PRSS12: variants seen among roughly 807,000 people sequenced by gnomAD.
The protein encoded by PRSS12 is serine protease 12.
PRSS12 carries 85 observed loss-of-function variants against 104.4 expected under a neutral mutation model. The observed-to-expected ratio is 0.81, with a 90% confidence interval of 0.68 to 0.98. PRSS12 has a LOEUF of 0.98. PRSS12 is among the 50% of genes least tolerant of loss of function. The pLI is 0.00. For missense variants in PRSS12, 1,141 were observed against 1,139.2 expected, an observed-to-expected ratio of 1.00 and a Z score of -0.02; for synonymous variants, 454 against 425.2, an observed-to-expected ratio of 1.07 and a Z score of -0.83.
intron 11 of PRSS12, among the ~76,000 whole-genome samples, chr4:118,287,157 T>G (rs554767622): frequency 3.3e-4 from 51 of 152,278 alleles, no homozygotes; most frequent in African/African-American, 1.2e-3. Context: ...CTTTTTTTTC[T>G]TTTTTGAGAC....
intron 4 of PRSS12, 69 bp from the exon 5 acceptor site, chr4:118,318,625 T>G (rs1387599319): frequency 1.4e-6 from 2 of 1,474,266 alleles, no homozygotes; most frequent in Non-Finnish European, 9.3e-7. Flanking sequence ...TTTTTTTTTG[T>G]CCCTAGTAAA....
Position 118,352,793 on chromosome 4 carries a change from G to A in PRSS12, c.-73C>T. The A allele has an allele frequency of 6.3e-7, 1 of 1,583,396 alleles. No individual in the cohort carries two copies. The highest frequency in any genetic ancestry group is 1.1e-5 in the South Asian group (1 of 87,528). On this transcript the variant is annotated 5_prime_UTR_variant, in exon 1 of 13. Transcript: ENST00000296498. ...TTGGAGCGGAGAAGAGGAGGGGGCG[G>A]GGGCGGGGCTGCCGCGTCCCTCGAA...
intron 11 of PRSS12, among the ~76,000 whole-genome samples, chr4:118,284,250 C>T (rs1394800595): frequency 2.6e-5 from 4 of 152,108 alleles, no homozygotes; most frequent in Admixed American, 2.0e-4. Flanking sequence ...TCCCCAGTTG[C>T]GATTACCAAA....
intron 7 of PRSS12, 155 bp downstream of exon 7, chr4:118,313,046 T>TTTTC: frequency 1.2e-6 from 1 of 835,548 alleles, no homozygotes; most frequent in Non-Finnish European, 1.9e-6. Context: ...AAAAGATTAT[T>TTTTC]TTTCTCTGCA....
At position 118,335,673 on chromosome 4, in the gene PRSS12, T is replaced by C. The variant is rs372566096; in HGVS notation, c.642-22A>G. On this transcript the variant is annotated intron_variant, in intron 2 of 12. Transcript: ENST00000296498. ...TCCTCTGGAAGTACAATGAGCGATATTAGGTTTATCAAATGTAGGCAAAAC... is the reference window on the plus strand; with the variant it reads ...TCCTCTGGAAGTACAATGAGCGATACTAGGTTTATCAAATGTAGGCAAAAC... 8.7e-6 allele frequency: 14 copies of C among 1,612,000 alleles called. No homozygotes were observed. In the East Asian group the frequency reaches 1.3e-4, roughly 15 times the overall value.
chr4:118,305,232 C>T (rs1434854425), intron 8 of PRSS12, among the ~76,000 whole-genome samples: 1 of 151,404 alleles, frequency 6.6e-6, no homozygotes, highest in Non-Finnish European at 1.5e-5. Flanking sequence ...TATATTTAAT[C>T]AAATAGCTAA....
chr4:118,313,293 G>C lies in PRSS12; in HGVS notation c.1397C>G (p.Ser466Cys), dbSNP rs370293860. The C allele has an allele frequency of 1.5e-5, 25 of 1,613,946 alleles. No individual in the cohort carries two copies. In the South Asian group the frequency reaches 2.7e-4, roughly 18 times the overall value. The stretch of plus-strand genomic sequence containing the variant: ...GTCATGCCTTCCCCACTGTCGCCTG[G>C]AACACTGAAGAAATCTGGTTTCCTT... ...SGKETRFLQCSRRQWGRHDCS... is the reference protein window; with the variant it reads ...SGKETRFLQCCRRQWGRHDCS... Residue 466 changes from serine to cysteine, a missense_variant, in exon 7 of 13, where the codon TCC becomes TGC. Ser to Cys is a moderately radical substitution (Grantham distance 112, BLOSUM62 -1). Transcript: ENST00000296498.
chr4:118,323,478 A>T (rs1723685609), intron 4 of PRSS12, among the ~76,000 whole-genome samples: 1 of 151,546 alleles, frequency 6.6e-6, no homozygotes, highest in Non-Finnish European at 1.5e-5. Context: ...AAAGAAAGAA[A>T]GGCGGGAGGG....
chr4:118,332,362 A>G (rs944328877), intron 3 of PRSS12, among the ~76,000 whole-genome samples: 12 of 152,338 alleles, frequency 7.9e-5, no homozygotes, highest in Non-Finnish European at 1.6e-4. Flanking sequence ...AAGTTGCTGG[A>G]CATCATGGCC....
At chr4:118,338,098 T>C in intron 2 of PRSS12, 78 bp downstream of exon 2, 2 of 1,568,196 alleles carry the variant, frequency 1.3e-6, no homozygotes, top group Non-Finnish European at 1.8e-6. Context: ...AGATACAAGC[T>C]TTACAAAGCA....
intron 7 of PRSS12, among the ~76,000 whole-genome samples, chr4:118,310,280 T>G (rs1310949004): frequency 1.3e-5 from 2 of 152,142 alleles, no homozygotes; most frequent in East Asian, 3.8e-4. Context: ...AGAAAACATT[T>G]GCACATGAAA....
intron 6 of PRSS12, among the ~76,000 whole-genome samples, chr4:118,315,177 G>T (rs991110566): frequency 3.9e-5 from 6 of 151,946 alleles, no homozygotes; most frequent in Non-Finnish European, 8.8e-5. Flanking sequence ...AAAATTCTGT[G>T]GATATTGTTT....
At chr4:118,313,537 G>T in intron 6 of PRSS12, 140 bp from the exon 7 acceptor site, 1 of 875,300 alleles carries the variant, frequency 1.1e-6, no homozygotes. Context: ...CCTTGGGGAC[G>T]CAGTTTAGAG....
At chr4:118,348,420 T>C (rs1023740345) in intron 1 of PRSS12, among the ~76,000 whole-genome samples, 1 of 152,184 alleles carries the variant, frequency 6.6e-6, no homozygotes, top group Non-Finnish European at 1.5e-5. Context: ...TTAGGTGGGT[T>C]CTAATGCCCT....
At chr4:118,285,314 A>G (rs1742989321) in intron 11 of PRSS12, among the ~76,000 whole-genome samples, 1 of 152,240 alleles carries the variant, frequency 6.6e-6, no homozygotes, top group Non-Finnish European at 1.5e-5. Context: ...ACTAAAAAGT[A>G]ATAGGCATGG....
At chr4:118,320,623 C>T (rs1723588033) in intron 4 of PRSS12, among the ~76,000 whole-genome samples, 1 of 151,992 alleles carries the variant, frequency 6.6e-6, no homozygotes. Context: ...TGTGGTGGCA[C>T]ACACCTGTGG....
chr4:118,298,952 A>G lies in PRSS12; in HGVS notation c.1632-14T>C. The stretch of plus-strand genomic sequence containing the variant: ...CTGGCAGGACCCCTGAAGACAGAAC[A>G]TTCTTAATCATGTGAAGAATCAGTC... On this transcript the variant is annotated splice_polypyrimidine_tract_variant and intron_variant, in intron 8 of 12. Coordinates refer to ENST00000296498, the MANE Select transcript of PRSS12 (RefSeq NM_003619.4). The G allele has an allele frequency of 6.2e-7, 1 of 1,613,188 alleles. No homozygotes were observed. Among genetic ancestry groups the G allele is most frequent in the East Asian group, 2.2e-5 (1 of 44,874 alleles).
Position 118,338,224 on chromosome 4 carries a change from T to C in PRSS12, c.593A>G (p.His198Arg). The change falls in exon 2 of 13, where the codon CAC becomes CGC. Residue 198 changes from histidine to arginine, a missense_variant. By Grantham distance (29) the His-to-Arg change is conservative. Coordinates refer to ENST00000296498, the MANE Select transcript of PRSS12 (RefSeq NM_003619.4). ...SGVWGTVCSS[H>R]WDDSDASVIC... The stretch of plus-strand genomic sequence containing the variant: ...GACTGATGCATCAGAATCATCCCAG[T>C]GGCTGCTACAGACAGTGCCCCAAAC... The C allele has an allele frequency of 3.7e-6, 6 of 1,614,050 alleles. No homozygotes were observed. The highest frequency in any genetic ancestry group is 5.1e-6 in the Non-Finnish European group (6 of 1,179,956).
In PRSS12 at chr4:118,323,481, C is replaced by T. The variant is rs567498479; in HGVS notation, c.972-4925G>A. On this transcript the variant is annotated intron_variant, in intron 4 of 12. Coordinates refer to ENST00000296498, the MANE Select transcript of PRSS12 (RefSeq NM_003619.4). The stretch of plus-strand genomic sequence containing the variant: ...GGAAAAAAAAGAAAAGAAAGAAAGG[C>T]GGGAGGGAGAAAGAAGCAAAAGGAA... Among the ~76,000 whole-genome samples the T allele has an allele frequency of 1.6e-3, 229 of 146,214 alleles. 4 individuals carry two copies. In the South Asian group the frequency reaches 0.022, roughly 14 times the overall value.
Sources: allele counts gnomAD v4.1 joint callset (sites outside exome capture counted in the v4.1 genomes callset), GRCh38; gene constraint gnomAD v4.1.1; transcripts MANE v1.5; gene names NCBI Gene and HGNC (gene_info 2026-07-23, HGNC 2026-07-21).